The following PARPBP variants were observed in gnomAD, a reference collection of about 807,000 sequenced individuals.
The protein encoded by PARPBP is PARP1 binding protein.
Under a neutral mutation model 50.0 loss-of-function variants are expected in PARPBP, and 52 were observed. The observed-to-expected ratio is 1.04, with a 90% CI of 0.83 to 1.31. The LOEUF (loss-of-function observed/expected upper bound fraction) is 1.31, where lower values mean the gene tolerates loss of function less well. Ranked by LOEUF, PARPBP falls within the 50% of genes most tolerant of loss-of-function variation. The pLI is 0.00. For missense variants in PARPBP, 697 were observed against 672.0 expected, an observed-to-expected ratio of 1.04 and a Z score of -0.41; for synonymous variants, 244 against 232.1, an observed-to-expected ratio of 1.05 and a Z score of -0.47.
At chr12:102,183,492 C>G (rs1181606648) in intron 9 of PARPBP, among the ~76,000 whole-genome samples, 3 of 151,926 alleles carry the variant, frequency 2.0e-5, no homozygotes, top group Non-Finnish European at 4.4e-5. Flanking sequence ...CCTTTTCTTT[C>G]TATTGATTAT....
chr12:102,142,896 G>T (rs570136541), intron 2 of PARPBP, among the ~76,000 whole-genome samples: 5 of 152,344 alleles, frequency 3.3e-5, no homozygotes, highest in Admixed American at 1.3e-4. Context: ...GTGTCAGTCG[G>T]CCCCTACTGG....
intron 2 of PARPBP, among the ~76,000 whole-genome samples, chr12:102,132,861 A>G (rs374825571): frequency 9.9e-4 from 148 of 150,156 alleles, no homozygotes; most frequent in Middle Eastern, 3.4e-3. Context: ...CAGTGTGCAG[A>G]TCTTTCATCT....
chr12:102,123,959 G>T lies in PARPBP; in HGVS notation c.71G>T (p.Cys24Phe). ...TTTCGAAAAAATTGGCGTGCTCTTT[G>T]TAACTCTGAGAGAACTACTCTATGT... is the stretch of plus-strand genomic sequence containing the variant. Reference protein sequence around the residue: ...KEFRKNWRALCNSERTTLCGA... With the variant: ...KEFRKNWRALFNSERTTLCGA... The change falls in exon 2 of 11, where the codon TGT becomes TTT. Residue 24 changes from cysteine (C) to phenylalanine (F), a missense_variant. Physicochemically the swap from Cys to Phe is radical, Grantham distance 205. Transcript: ENST00000327680. 3 of 1,534,854 alleles carry T rather than the reference G, an allele frequency of 2.0e-6. No homozygotes were observed. In the South Asian group the frequency reaches 3.6e-5, roughly 18 times the overall value.
Position 102,197,481 on chromosome 12 carries a change from A to C in PARPBP, c.*1190A>C. On this transcript the variant is annotated 3_prime_UTR_variant, in exon 11 of 11. Transcript: ENST00000327680. ...TCAGAGGATTTGTAAGAATCATTTA[A>C]ATTTTCATTGAAATAAACGACAAGT... The C allele has an allele frequency of 1.3e-6, 2 of 1,542,798 alleles. No individual in the cohort carries two copies. The highest frequency in any genetic ancestry group is 1.7e-6 in the Non-Finnish European group (2 of 1,145,128).
intron 2 of PARPBP, among the ~76,000 whole-genome samples, chr12:102,131,738 A>G (rs1383244245): frequency 6.6e-6 from 1 of 152,234 alleles, no homozygotes; most frequent in Non-Finnish European, 1.5e-5. Flanking sequence ...GCAGGAACAG[A>G]AAACCAGATA....
chr12:102,149,867 T>G (rs1885952088), intron 3 of PARPBP, among the ~76,000 whole-genome samples: 1 of 152,234 alleles, frequency 6.6e-6, no homozygotes, highest in Non-Finnish European at 1.5e-5. Flanking sequence ...ATATTTTATT[T>G]GCTTGCTTAC....
At chr12:102,165,703 A>T in intron 5 of PARPBP, 26 bp from the exon 6 acceptor site, 1 of 1,565,410 alleles carries the variant, frequency 6.4e-7, no homozygotes. Context: ...ACTGGACATA[A>T]CTTATCCGTT....
intron 2 of PARPBP, among the ~76,000 whole-genome samples, chr12:102,139,335 G>C (rs547006457): frequency 2.6e-5 from 4 of 152,314 alleles, no homozygotes; most frequent in African/African-American, 7.2e-5. Flanking sequence ...CATTGATTTT[G>C]TATCCTGAGA....
intron 2 of PARPBP, among the ~76,000 whole-genome samples, chr12:102,128,054 C>T (rs1882282050): frequency 6.6e-6 from 1 of 152,076 alleles, no homozygotes; most frequent in Admixed American, 6.5e-5. Flanking sequence ...ATTCTCTGAA[C>T]AGTTTTCAAG....
chr12:102,136,407 T>C (rs1803029683), intron 2 of PARPBP, among the ~76,000 whole-genome samples: 1 of 152,218 alleles, frequency 6.6e-6, no homozygotes, highest in African/African-American at 2.4e-5. Flanking sequence ...CATTTATTTA[T>C]GACTTACTTT....
intron 4 of PARPBP, among the ~76,000 whole-genome samples, chr12:102,163,660 A>G (rs963150670): frequency 6.6e-6 from 1 of 151,734 alleles, no homozygotes; most frequent in African/African-American, 2.4e-5. Context: ...AGATTTGATA[A>G]TATCTATTGG....
chr12:102,195,522 T>C (rs1431499577), intron 10 of PARPBP, 75 bp downstream of exon 10: 1 of 1,219,610 alleles, frequency 8.2e-7, no homozygotes, highest in Non-Finnish European at 1.2e-6. Flanking sequence ...TAAGTAAAAT[T>C]AGGTTATTTT....
rs1891401610 is a variant in PARPBP at position 102,197,330 on chromosome 12, T to C, written c.*1039T>C. ...GCAAATTTATAGGAGAAAAAACACT[T>C]TCAGATAAGAGGTGTTTGCTGGGAT... On this transcript the variant is annotated 3_prime_UTR_variant, in exon 11 of 11. Transcript: ENST00000327680. 3.6e-6 allele frequency: 3 copies of C among 824,370 alleles called. No homozygotes were observed. The highest frequency in any genetic ancestry group is 5.6e-6 in the Non-Finnish European group (3 of 538,478). The allele number at this position is 824,370 out of a possible 1,614,324, so 51.1% of individuals were successfully genotyped here.
intron 4 of PARPBP, among the ~76,000 whole-genome samples, chr12:102,155,730 C>G (rs1162974396): frequency 6.6e-6 from 1 of 152,068 alleles, no homozygotes; most frequent in African/African-American, 2.4e-5. Flanking sequence ...GCACACTCTT[C>G]TGGTCCGTGT....
At chr12:102,194,545 A>C (rs953224089) in intron 9 of PARPBP, among the ~76,000 whole-genome samples, 2 of 151,926 alleles carry the variant, frequency 1.3e-5, no homozygotes, top group East Asian at 3.8e-4. Context: ...CAAATTTCCA[A>C]AACTACTTTT....
At chr12:102,155,600 G>T (rs865796698) in intron 4 of PARPBP, among the ~76,000 whole-genome samples, 1,302 of 125,344 alleles carry the variant, frequency 0.01, 30 homozygotes, top group Admixed American at 0.016. Context: ...ATGGTGGGGG[G>T]GGGGGGCGGG....
intron 2 of PARPBP, among the ~76,000 whole-genome samples, chr12:102,140,340 C>A (rs1023262154): frequency 6.6e-6 from 1 of 152,062 alleles, no homozygotes; most frequent in East Asian, 1.9e-4. Flanking sequence ...TCCCCTTTAT[C>A]GTTTTTTATT....
rs992755140 is a variant in PARPBP, at chr12:102,196,400, C to T, written c.*109C>T. ...AATTATGATGATTTATTATTTTGGT[C>T]TACAGTGTATGTAAGGTTAGTATGT... On this transcript the variant is annotated 3_prime_UTR_variant, in exon 11 of 11. Transcript: ENST00000327680. The T allele has an allele frequency of 1.8e-5, 15 of 818,296 alleles. No individual in the cohort carries two copies. In the African/African-American group the frequency reaches 2.4e-4, roughly 13 times the overall value. 50.7% of individuals were successfully genotyped at this position (818,296 alleles called of 1,614,324 possible).
chr12:102,185,948 C>T (rs1890262247), intron 9 of PARPBP, among the ~76,000 whole-genome samples: 1 of 152,070 alleles, frequency 6.6e-6, no homozygotes, highest in South Asian at 2.1e-4. Context: ...GCCACCCGGC[C>T]CAGCTGCTGG....
Sources: allele counts gnomAD v4.1 joint callset (sites outside exome capture counted in the v4.1 genomes callset), GRCh38; gene constraint gnomAD v4.1.1; transcripts MANE v1.5; gene names NCBI Gene and HGNC (gene_info 2026-07-23, HGNC 2026-07-21).